Variants in LRTM3 observed in about 807,000 individuals in gnomAD.
LRTM3 encodes leucine-rich repeat transmembrane protein 3.
At chr13:102,732,000 T>C in the LRTM3 span, 2 of 1,551,284 alleles carry the variant, frequency 1.3e-6, no homozygotes, top group Non-Finnish European at 1.7e-6. Flanking sequence ...TTTTTATTCA[T>C]TTCACTTCTG....
At chr13:102,735,553 C>A in the LRTM3 span, 2 of 1,550,812 alleles carry the variant, frequency 1.3e-6, no homozygotes, top group Middle Eastern at 1.7e-4. Flanking sequence ...TTTTCCACTG[C>A]AATTTTTTGG....
chr13:102,758,970 A>ACATAT, the LRTM3 span: 2 of 1,256,484 alleles, frequency 1.6e-6, no homozygotes, highest in Non-Finnish European at 2.2e-6. Context: ...TGTCTCATTC[A>ACATAT]GAAGTCCTTG....
chr13:102,729,467 G>GT, the LRTM3 span: 2 of 1,455,590 alleles, frequency 1.4e-6, no homozygotes, highest in African/African-American at 2.9e-5. Flanking sequence ...ATGAAAAACG[G>GT]TAGTAAGGGA....
the LRTM3 span, chr13:102,731,025 A>G: frequency 1.9e-6 from 3 of 1,551,434 alleles, no homozygotes; most frequent in Non-Finnish European, 2.6e-6. Flanking sequence ...TGTATCTCCA[A>G]TGTTTTCACA....
At chr13:102,741,237 T>C in the LRTM3 span, 1 of 1,550,248 alleles carries the variant, frequency 6.5e-7, no homozygotes, top group Admixed American at 2.0e-5. Flanking sequence ...GATTGCTCTT[T>C]TCCCCAAAGA....
the LRTM3 span, chr13:102,736,086 G>A: frequency 1.3e-6 from 2 of 1,541,462 alleles, no homozygotes; most frequent in South Asian, 2.4e-5. Flanking sequence ...TTTGCTTTTA[G>A]TATTACTTTA....
At chr13:102,750,261 G>A in the LRTM3 span, 1 of 1,551,108 alleles carries the variant, frequency 6.4e-7, no homozygotes, top group Non-Finnish European at 8.7e-7. Flanking sequence ...GGACTTACTT[G>A]ATCTTCACTT....
the LRTM3 span, chr13:102,735,267 C>T: frequency 2.6e-6 from 4 of 1,551,144 alleles, no homozygotes; most frequent in African/African-American, 2.7e-5. Flanking sequence ...TTTTCTCTAT[C>T]CTTCTCTTCT....
At chr13:102,755,962 T>TATATATA in the LRTM3 span, among the ~76,000 whole-genome samples, 6 of 56,648 alleles carry the variant, frequency 1.1e-4, no homozygotes, top group East Asian at 3.9e-4. Flanking sequence ...TATATATATA[T>TATATATA]TTTTTTTTTT....
chr13:102,736,617 T>G, the LRTM3 span: 1 of 1,551,002 alleles, frequency 6.4e-7, no homozygotes. Flanking sequence ...AAAGGACAAG[T>G]TTTGCTCAGA....
the LRTM3 span, chr13:102,735,079 A>G: frequency 6.4e-7 from 1 of 1,551,238 alleles, no homozygotes; most frequent in South Asian, 1.2e-5. Context: ...GGGAGGATCT[A>G]GAAGGACTCT....
At chr13:102,740,834 GCTTT>G in the LRTM3 span, 1 of 1,549,634 alleles carries the variant, frequency 6.5e-7, no homozygotes, top group African/African-American at 1.4e-5. Flanking sequence ...TGCCTTTAAT[GCTTT>G]CTTTACCTTT....
the LRTM3 span, chr13:102,750,436 G>A: frequency 8.0e-5 from 83 of 1,032,624 alleles, no homozygotes; most frequent in Admixed American, 8.3e-4. Flanking sequence ...AATATATTTC[G>A]TATAAGAATT....
the LRTM3 span, chr13:102,742,057 G>T: frequency 1.3e-6 from 2 of 1,550,516 alleles, no homozygotes; most frequent in Non-Finnish European, 1.7e-6. Context: ...GTGGAAGAAT[G>T]CATGTCCTGT....
the LRTM3 span, chr13:102,746,006 TG>T: frequency 6.4e-7 from 1 of 1,551,242 alleles, no homozygotes; most frequent in Non-Finnish European, 8.7e-7. Flanking sequence ...CTCCAGAGCC[TG>T]TAAAGCTTTG....
chr13:102,746,273 G>A, the LRTM3 span: 3 of 1,550,962 alleles, frequency 1.9e-6, no homozygotes, highest in East Asian at 2.4e-5. Flanking sequence ...CAGCTGTGGC[G>A]CTGCTTCTAA....
the LRTM3 span, chr13:102,748,297 T>C: frequency 2.6e-6 from 4 of 1,551,194 alleles, no homozygotes; most frequent in Non-Finnish European, 3.5e-6. Context: ...ATGGTTTACT[T>C]TCCTTCAGAT....
At chr13:102,732,943 C>A in the LRTM3 span, 2 of 1,551,454 alleles carry the variant, frequency 1.3e-6, no homozygotes, top group South Asian at 2.4e-5. Flanking sequence ...ATAGGGACTT[C>A]GGAAGAAATT....
At chr13:102,737,560 C>T in the LRTM3 span, 1 of 1,550,720 alleles carries the variant, frequency 6.4e-7, no homozygotes, top group Non-Finnish European at 8.7e-7. Flanking sequence ...CTTCTCCATC[C>T]CTTTTCCCTG....
Sources: gnomAD v4.1 joint callset for allele counts (sites outside exome capture counted in the v4.1 genomes callset) on GRCh38, gnomAD v4.1.1 for gene constraint, MANE v1.5 for transcripts, NCBI Gene and HGNC (gene_info 2026-07-23, HGNC 2026-07-21) for gene names.